XRN1: variants seen among roughly 807,000 people sequenced by gnomAD.
The protein encoded by XRN1 is strand-exchange protein 1 homolog.
XRN1 carries 67 observed loss-of-function variants against 222.3 expected under a neutral mutation model. The ratio of observed to expected loss-of-function variants is 0.30; its 90% CI spans 0.25 to 0.37. The LOEUF is 0.37. Ranked by LOEUF, XRN1 falls within the 10% of genes least tolerant of loss-of-function variation. The pLI is 1.00. For missense variants in XRN1, 1,707 were observed against 2,000.2 expected (o/e 0.85, Z 2.80); for synonymous variants, 643 against 652.4 (o/e 0.99, Z 0.22).
In XRN1 at chr3:142,397,362, T is replaced by G; in HGVS notation, c.2306A>C (p.Asn769Thr). The change falls in exon 20 of 41, where the codon AAC becomes ACC. Residue 769 changes from asparagine to threonine, a missense_variant. Transcript: ENST00000392981. ...AATTCCTTGTACTTCTTTTGCCCAGTTAGATTGTTCTTTATCTCCAAGATG... is the reference window on the plus strand; with the variant it reads ...AATTCCTTGTACTTCTTTTGCCCAGGTAGATTGTTCTTTATCTCCAAGATG... ...VVHLGDKEQSNWAKEVQGISE... is the reference protein window; with the variant it reads ...VVHLGDKEQSTWAKEVQGISE... 6.2e-7 allele frequency: 1 copy of G among 1,603,332 alleles called. No individual in the cohort carries two copies. Among genetic ancestry groups the G allele is most frequent in the Non-Finnish European group, 8.5e-7 (1 of 1,174,244 alleles).
intron 1 of XRN1, among the ~76,000 whole-genome samples, chr3:142,444,193 C>A (rs543964007): frequency 1.3e-5 from 2 of 152,306 alleles, no homozygotes; most frequent in East Asian, 3.9e-4. Context: ...GCCTGTAATC[C>A]CAGCACTTTG....
At chr3:142,409,845 T>TA (rs2068495879) in intron 15 of XRN1, among the ~76,000 whole-genome samples, 1 of 152,218 alleles carries the variant, frequency 6.6e-6, no homozygotes, top group Non-Finnish European at 1.5e-5. Context: ...GGCTTCCACA[T>TA]ATGTTGTTAA....
chr3:142,417,668 T>C (rs2068838361), intron 12 of XRN1, among the ~76,000 whole-genome samples: 1 of 152,248 alleles, frequency 6.6e-6, no homozygotes, highest in African/African-American at 2.4e-5. Flanking sequence ...GAAGCTAGAA[T>C]GCTTTCAGAA....
Position 142,308,292 on chromosome 3 carries a change from CCT to C in XRN1, c.*3217_*3218del, listed in dbSNP as rs1248642018. ...CTGTTTTTCTTCTTCCATCTGCCTC[CCT>C]CTCTCTGCCTCCTCTCATTAAAACC... is the stretch of plus-strand genomic sequence containing the variant. On this transcript the variant is annotated 3_prime_UTR_variant, in exon 41 of 41. Transcript: ENST00000392981. 1.3e-5 allele frequency: 2 copies of C among 152,248 alleles called. No individual in the cohort carries two copies. The highest frequency in any genetic ancestry group is 3.9e-4 in the East Asian group (2 of 5,184). The allele number at this position is 152,248 out of a possible 1,614,324, so 9.4% of individuals were successfully genotyped here.
At chr3:142,426,871 AGTTTTCTG>A in intron 2 of XRN1, 30 bp from the exon 3 acceptor site, 1 of 1,586,204 alleles carries the variant, frequency 6.3e-7, no homozygotes, top group Admixed American at 1.7e-5. Context: ...AAGTACCTTA[AGTTTTCTG>A]AAAAAAAGTG....
intron 20 of XRN1, among the ~76,000 whole-genome samples, chr3:142,387,210 CAAG>C (rs1281440297): frequency 6.6e-6 from 1 of 152,060 alleles, no homozygotes; most frequent in Non-Finnish European, 1.5e-5. Context: ...AAATCAGGCT[CAAG>C]AAGAATACAC....
intron 37 of XRN1, among the ~76,000 whole-genome samples, chr3:142,321,147 C>T (rs988336536): frequency 4.1e-5 from 5 of 121,046 alleles, no homozygotes; most frequent in African/African-American, 1.6e-4. Flanking sequence ...GAGTCTCACT[C>T]TGTTCTCTGT....
At position 142,425,432 on chromosome 3, in the gene XRN1, A is replaced by G; in HGVS notation, c.513T>C (p.His171=). ...WQGVTIYFSG[H]ETPGEGEHKI... is the part of the protein sequence containing the mutation. ...TTAAATAAAAAAAGATAATAACCTC[A>G]TGGCCTGAGAAGTAGATGGTAACTC... The change falls in exon 4 of 41, where the codon CAT becomes CAC. Residue 171 remains histidine (H), a synonymous_variant. Transcript: ENST00000392981. 1 of 1,609,882 alleles carries G rather than the reference A, an allele frequency of 6.2e-7. No homozygotes were observed. The highest frequency in any genetic ancestry group is 1.1e-5 in the South Asian group (1 of 90,482).
chr3:142,408,084 C>T (rs181953383), intron 15 of XRN1, among the ~76,000 whole-genome samples: 13 of 152,326 alleles, frequency 8.5e-5, no homozygotes, highest in East Asian at 7.7e-4. Flanking sequence ...GTTCACACAC[C>T]GCTGTCTAGT....
chr3:142,435,941 T>A (rs548732205), intron 1 of XRN1: 3 of 151,138 alleles, frequency 2.0e-5, no homozygotes, highest in East Asian at 3.9e-4. Flanking sequence ...GCGCCTGTAG[T>A]CCCAGCTACC....
intron 1 of XRN1, among the ~76,000 whole-genome samples, chr3:142,445,752 C>T (rs1196964098): frequency 6.6e-6 from 1 of 152,142 alleles, no homozygotes; most frequent in Non-Finnish European, 1.5e-5. Context: ...AGAATGGCAC[C>T]TTGGCAAGTC....
At chr3:142,437,996 A>G (rs2069999407) in intron 1 of XRN1, among the ~76,000 whole-genome samples, 1 of 152,212 alleles carries the variant, frequency 6.6e-6, no homozygotes, top group Non-Finnish European at 1.5e-5. Flanking sequence ...ACAATGAGAT[A>G]TCATCTTACC....
chr3:142,385,558 G>T (rs2067468936), intron 20 of XRN1, among the ~76,000 whole-genome samples: 1 of 152,098 alleles, frequency 6.6e-6, no homozygotes, highest in East Asian at 1.9e-4. Flanking sequence ...TCCTGTCTAT[G>T]GCTGCTTTTG....
intron 29 of XRN1, among the ~76,000 whole-genome samples, chr3:142,364,125 C>G (rs941033084): frequency 6.6e-6 from 1 of 152,166 alleles, no homozygotes; most frequent in Non-Finnish European, 1.5e-5. Context: ...TAACACCCAC[C>G]CCTTGGGTGA....
chr3:142,391,837 G>C (rs1262185891), intron 20 of XRN1, among the ~76,000 whole-genome samples: 1 of 146,794 alleles, frequency 6.8e-6, no homozygotes, highest in Non-Finnish European at 1.5e-5. Context: ...TTAATATATG[G>C]TGCATAATCT....
chr3:142,398,096 T>A (rs2067994834), intron 19 of XRN1, among the ~76,000 whole-genome samples: 1 of 151,718 alleles, frequency 6.6e-6, no homozygotes, highest in African/African-American at 2.4e-5. Context: ...ATAAAAAAAA[T>A]ATGCCAGGTA....
In XRN1 at chr3:142,447,622, C is replaced by G. The variant is rs2070581896; in HGVS notation, c.75+248G>C. ...ACTTCATTTCGGAGTCGCGGAAGGACCAGCAGAAGCAAGAGCTGTCAGAGA... is the reference window on the plus strand; with the variant it reads ...ACTTCATTTCGGAGTCGCGGAAGGAGCAGCAGAAGCAAGAGCTGTCAGAGA... On this transcript the variant is annotated intron_variant, in intron 1 of 40. Coordinates refer to ENST00000392981, the MANE Select transcript of XRN1 (RefSeq NM_001282857.2). This position sits in a 1 kb window ranked among gnomAD's most constrained non-coding sequence, Gnocchi z 4.2. 2.0e-5 allele frequency among the ~76,000 whole-genome samples: 3 copies of G among 152,182 alleles called. No individual in the cohort carries two copies. Among genetic ancestry groups the G allele is most frequent in the African/African-American group, 7.2e-5 (3 of 41,456 alleles).
chr3:142,398,809 T>G (rs2108009907), intron 19 of XRN1, among the ~76,000 whole-genome samples: 1 of 152,202 alleles, frequency 6.6e-6, no homozygotes, highest in Non-Finnish European at 1.5e-5. Flanking sequence ...TCCAGAATTC[T>G]ACAAAATAAC....
chr3:142,414,747 G>A (rs377755947), intron 13 of XRN1, among the ~76,000 whole-genome samples: 1 of 152,062 alleles, frequency 6.6e-6, no homozygotes, highest in South Asian at 2.1e-4. Flanking sequence ...CGCCCGCCTC[G>A]GCCTCCCAAA....
Sources: gnomAD v4.1 joint callset for allele counts (sites outside exome capture counted in the v4.1 genomes callset) on GRCh38, gnomAD v4.1.1 for gene constraint, Gnocchi (gnomAD v3.1) non-coding constraint, MANE v1.5 for transcripts, NCBI Gene and HGNC (gene_info 2026-07-23, HGNC 2026-07-21) for gene names.